The following BABAM2 variants were observed in gnomAD, a reference collection of about 807,000 sequenced individuals.
The protein encoded by BABAM2 is BRISC and BRCA1 A complex member 2.
In BABAM2, 31 loss-of-function variants were observed where a neutral mutation model predicts 54.7. That is an observed-to-expected ratio of 0.57 (90% confidence interval 0.43 to 0.77). The LOEUF (loss-of-function observed/expected upper bound fraction) is 0.77, where lower values mean the gene tolerates loss of function less well. Ranked by LOEUF, BABAM2 falls within the 30% of genes least tolerant of loss-of-function variation. The probability of loss-of-function intolerance (pLI) is 0.00; values close to 1 mark genes in which losing one functional copy is unlikely to be tolerated. For synonymous variants in BABAM2, 167 were observed against 162.9 expected (o/e 1.03, Z -0.19); for missense variants, 364 against 455.8 (o/e 0.80, Z 1.83).
intron 3 of BABAM2, among the ~76,000 whole-genome samples, chr2:27,981,629 G>C (rs1000941525): frequency 1.3e-4 from 19 of 151,986 alleles, no homozygotes; most frequent in African/African-American, 3.6e-4. Context: ...GTAGCCTTTT[G>C]TGTCTGGCTC....
chr2:28,201,684 T>C (rs1337513151), intron 7 of BABAM2, among the ~76,000 whole-genome samples: 1 of 152,194 alleles, frequency 6.6e-6, no homozygotes, highest in Non-Finnish European at 1.5e-5. Context: ...ACTCTTAACA[T>C]TTGGCTCTAT....
chr2:28,331,571 A>T (rs1690962829), intron 11 of BABAM2, among the ~76,000 whole-genome samples: 1 of 152,236 alleles, frequency 6.6e-6, no homozygotes, highest in South Asian at 2.1e-4. Context: ...AAAAAATCTC[A>T]ACATCACTGA....
chr2:28,254,181 T>C (rs1370056207), intron 10 of BABAM2, among the ~76,000 whole-genome samples: 1 of 152,210 alleles, frequency 6.6e-6, no homozygotes, highest in African/African-American at 2.4e-5. Context: ...TGCACACTCC[T>C]TTCTATCCTC....
intron 2 of BABAM2, among the ~76,000 whole-genome samples, chr2:27,902,941 G>A (rs1272145190): frequency 6.6e-6 from 1 of 151,924 alleles, no homozygotes; most frequent in Admixed American, 6.6e-5. Flanking sequence ...GAGAGAGAGA[G>A]AGAGAAAGAG....
At chr2:28,048,426 C>T (rs971275500) in intron 6 of BABAM2, among the ~76,000 whole-genome samples, 2 of 152,178 alleles carry the variant, frequency 1.3e-5, no homozygotes, top group African/African-American at 4.8e-5. Context: ...AGTCTGATTT[C>T]AGAGTCTGAA....
chr2:27,971,555 T>C (rs547202106), intron 3 of BABAM2, among the ~76,000 whole-genome samples: 101 of 152,256 alleles, frequency 6.6e-4, no homozygotes, highest in Non-Finnish European at 1.6e-4. Flanking sequence ...CTTTACAACA[T>C]CCATCTCACT....
At chr2:28,072,652 T>G (rs1307952713) in intron 6 of BABAM2, among the ~76,000 whole-genome samples, 6 of 152,248 alleles carry the variant, frequency 3.9e-5, no homozygotes, top group Non-Finnish European at 5.9e-5. Context: ...CCCAAAGTGC[T>G]GGGATTACAG....
At chr2:27,966,612 C>T (rs751415292) in intron 3 of BABAM2, among the ~76,000 whole-genome samples, 52 of 152,170 alleles carry the variant, frequency 3.4e-4, no homozygotes, top group Non-Finnish European at 7.2e-4. Context: ...AACTCTGGGC[C>T]TCAGGCCAGT....
chr2:28,274,480 T>G (rs1685701267), intron 10 of BABAM2, among the ~76,000 whole-genome samples: 1 of 152,234 alleles, frequency 6.6e-6, no homozygotes. Context: ...AGGACCAGAA[T>G]GCAGTGGTGC....
intron 7 of BABAM2, among the ~76,000 whole-genome samples, chr2:28,136,728 C>T (rs769910187): frequency 2.0e-5 from 3 of 152,114 alleles, no homozygotes; most frequent in Non-Finnish European, 4.4e-5. Flanking sequence ...CTCCAGCCTC[C>T]CCTCCCCTGC....
intron 5 of BABAM2, among the ~76,000 whole-genome samples, chr2:28,045,442 T>C (rs1013316446): frequency 3.3e-5 from 5 of 152,344 alleles, no homozygotes; most frequent in African/African-American, 1.2e-4. Context: ...ATTCTTTTCA[T>C]ACTTTTAAGA....
intron 2 of BABAM2, among the ~76,000 whole-genome samples, chr2:27,920,454 A>G (rs540937560): frequency 1.3e-5 from 2 of 152,222 alleles, no homozygotes; most frequent in Admixed American, 6.5e-5. Flanking sequence ...TGAGTAATCT[A>G]TGTTAGATTT....
chr2:28,029,600 A>G (rs980383697), intron 5 of BABAM2, among the ~76,000 whole-genome samples: 2 of 152,108 alleles, frequency 1.3e-5, no homozygotes, highest in Non-Finnish European at 2.9e-5. Flanking sequence ...CCATTCATCC[A>G]TCAGTGAACA....
At chr2:28,049,133 TATG>T (rs1677816503) in intron 6 of BABAM2, among the ~76,000 whole-genome samples, 1 of 152,218 alleles carries the variant, frequency 6.6e-6, no homozygotes, top group African/African-American at 2.4e-5. Context: ...TACTTGTAAA[TATG>T]ATGTGTGTTT....
chr2:28,123,453 G>A (rs1464877006), intron 6 of BABAM2, among the ~76,000 whole-genome samples: 2 of 149,328 alleles, frequency 1.3e-5, no homozygotes, highest in Non-Finnish European at 3.0e-5. Flanking sequence ...CAGATACAGA[G>A]CCCTGAAAAT....
chr2:28,163,527 C>A (rs1294492909), intron 7 of BABAM2, among the ~76,000 whole-genome samples: 1 of 152,110 alleles, frequency 6.6e-6, no homozygotes, highest in Non-Finnish European at 1.5e-5. Context: ...AAGGCAGTCA[C>A]CCCTGCCAGA....
chr2:27,909,201 TA>T (rs1398227757), intron 2 of BABAM2, among the ~76,000 whole-genome samples: 1 of 152,010 alleles, frequency 6.6e-6, no homozygotes, highest in Admixed American at 6.5e-5. Flanking sequence ...TGTGCCACCA[TA>T]CCTGGGTGAT....
chr2:28,216,951 C>G (rs572762278), intron 7 of BABAM2, among the ~76,000 whole-genome samples: 1 of 152,250 alleles, frequency 6.6e-6, no homozygotes, highest in South Asian at 2.1e-4. Flanking sequence ...TTCGCTCTGC[C>G]AGAAGGTCAT....
intron 2 of BABAM2, among the ~76,000 whole-genome samples, chr2:27,914,212 T>C (rs1666803846): frequency 6.6e-6 from 1 of 152,176 alleles, no homozygotes; most frequent in African/African-American, 2.4e-5. Flanking sequence ...TCTCTAGTCA[T>C]GTGGAAGCTC....
Sources: gnomAD v4.1 joint callset for allele counts (sites outside exome capture counted in the v4.1 genomes callset) on GRCh38, gnomAD v4.1.1 for gene constraint, MANE v1.5 for transcripts, NCBI Gene and HGNC (gene_info 2026-07-23, HGNC 2026-07-21) for gene names.